CCDC73: variants seen among roughly 807,000 people sequenced by gnomAD.
The protein encoded by CCDC73 is coiled-coil domain-containing protein 73.
CCDC73 carries 95 observed loss-of-function variants against 116.5 expected under a neutral mutation model. The ratio of observed to expected loss-of-function variants is 0.82; its 90% CI spans 0.69 to 0.97. CCDC73 has a LOEUF of 0.97. Among genes scored for constraint, CCDC73 ranks in the 50% least tolerant of loss-of-function variants. The probability of loss-of-function intolerance (pLI) is 0.00; values close to 1 mark genes in which losing one functional copy is unlikely to be tolerated. For synonymous variants in CCDC73, 398 were observed against 401.3 expected, an observed-to-expected ratio of 0.99 and a Z score of 0.10; for missense variants, 1,066 against 1,206.8, an observed-to-expected ratio of 0.88 and a Z score of 1.73.
intron 14 of CCDC73, among the ~76,000 whole-genome samples, chr11:32,633,838 T>C (rs758742562): frequency 7.9e-5 from 12 of 152,158 alleles, no homozygotes; most frequent in Non-Finnish European, 1.5e-4. Context: ...TTTGTACTAA[T>C]AGTTTAGGTA....
chr11:32,761,850 G>T (rs1850395188), intron 1 of CCDC73, among the ~76,000 whole-genome samples: 1 of 152,132 alleles, frequency 6.6e-6, no homozygotes, highest in Non-Finnish European at 1.5e-5. Flanking sequence ...CTTTAGGGCT[G>T]ACCAGCAGGC....
intron 2 of CCDC73, among the ~76,000 whole-genome samples, chr11:32,753,567 T>C (rs907747689): frequency 1.3e-5 from 2 of 152,012 alleles, no homozygotes; most frequent in African/African-American, 4.8e-5. Context: ...TGGGTTCAAG[T>C]GATTCTTCTG....
chr11:32,750,772 G>A (rs993863099), intron 2 of CCDC73, among the ~76,000 whole-genome samples: 2 of 152,122 alleles, frequency 1.3e-5, no homozygotes, highest in Admixed American at 6.5e-5. Flanking sequence ...CCTGGAATTG[G>A]GAACCCCTAG....
chr11:32,694,823 T>A (rs1484940467), intron 6 of CCDC73, among the ~76,000 whole-genome samples: 2 of 151,406 alleles, frequency 1.3e-5, no homozygotes, highest in Non-Finnish European at 2.9e-5. Context: ...CAAGAGACTG[T>A]AAAAAAAAAT....
intron 1 of CCDC73, among the ~76,000 whole-genome samples, chr11:32,770,356 C>T (rs1850482360): frequency 1.3e-5 from 2 of 152,018 alleles, no homozygotes; most frequent in South Asian, 4.1e-4. Flanking sequence ...ATAAAGCTAT[C>T]CTAGATTCAA....
At chr11:32,815,397 C>T in the CCDC73 span, among the ~76,000 whole-genome samples, 1 of 151,198 alleles carries the variant, frequency 6.6e-6, no homozygotes, top group South Asian at 2.1e-4. Context: ...TGCAGAGGCA[C>T]AGTCATAACT....
chr11:32,763,942 T>C (rs546966458), intron 1 of CCDC73, among the ~76,000 whole-genome samples: 4 of 152,262 alleles, frequency 2.6e-5, no homozygotes, highest in Non-Finnish European at 5.9e-5. Context: ...CTGAAAACCA[T>C]GGCACGAGAA....
In CCDC73 at chr11:32,636,469, G is replaced by A. The variant is rs185804641; in HGVS notation, c.1051-639C>T. 1.6e-4 allele frequency among the ~76,000 whole-genome samples: 24 copies of A among 152,128 alleles called. No homozygotes were observed. In the East Asian group the frequency reaches 4.6e-3, roughly 29 times the overall value. ...CATAAACTTGATTTTGGGGAAAGGAGTACTCTCACAGAAGCCTCAAATATG... is the reference window on the plus strand; with the variant it reads ...CATAAACTTGATTTTGGGGAAAGGAATACTCTCACAGAAGCCTCAAATATG... On this transcript the variant is annotated intron_variant, in intron 13 of 17. Transcript: ENST00000335185.
At chr11:32,631,891 CAG>C (rs1855635045) in intron 14 of CCDC73, among the ~76,000 whole-genome samples, 1 of 152,080 alleles carries the variant, frequency 6.6e-6, no homozygotes. Flanking sequence ...CAGACAGACA[CAG>C]AGATATATAC....
Position 32,613,864 on chromosome 11 carries a change from T to A in CCDC73, c.2454A>T (p.Val818=). The part of the protein sequence containing the change: ...NKKNQIDENQ[V]TEATKNDLFL... ...AGAGGTCATTTTTTGTGGCTTCAGT[T>A]ACCTGATTCTCATCAATCTGATTCT... is the stretch of plus-strand genomic sequence containing the variant. Residue 818 remains valine (V), a synonymous_variant, in exon 16 of 18, where the codon GTA becomes GTT. Transcript: ENST00000335185. 1 of 1,613,622 alleles carries A rather than the reference T, an allele frequency of 6.2e-7. No homozygotes were observed. The highest frequency in any genetic ancestry group is 8.5e-7 in the Non-Finnish European group (1 of 1,179,944).
chr11:32,664,002 A>G (rs1855955577), intron 9 of CCDC73, among the ~76,000 whole-genome samples: 1 of 152,174 alleles, frequency 6.6e-6, no homozygotes, highest in Non-Finnish European at 1.5e-5. Context: ...GCATATGTTG[A>G]ACCAACCTTG....
At chr11:32,694,064 G>C in intron 6 of CCDC73, among the ~76,000 whole-genome samples, 1 of 133,940 alleles carries the variant, frequency 7.5e-6, no homozygotes, top group Non-Finnish European at 1.7e-5. Flanking sequence ...GTTCTGGCCA[G>C]GGCAATCAGG....
intron 2 of CCDC73, among the ~76,000 whole-genome samples, chr11:32,749,105 T>C (rs564916613): frequency 6.6e-6 from 1 of 152,340 alleles, no homozygotes; most frequent in African/African-American, 2.4e-5. Flanking sequence ...GGAAGTTCTC[T>C]GTTATTATCC....
intron 9 of CCDC73, among the ~76,000 whole-genome samples, chr11:32,664,581 T>A (rs1470967288): frequency 6.6e-6 from 1 of 152,180 alleles, no homozygotes. Flanking sequence ...TCTTTTTTAT[T>A]AGGCTTGCTG....
At chr11:32,666,032 G>T (rs1377936260) in intron 9 of CCDC73, among the ~76,000 whole-genome samples, 1 of 152,228 alleles carries the variant, frequency 6.6e-6, no homozygotes, top group East Asian at 1.9e-4. Context: ...GATATCTGCT[G>T]TTAGTCTGAT....
the CCDC73 span, among the ~76,000 whole-genome samples, chr11:32,817,170 G>GA: frequency 6.6e-6 from 1 of 152,250 alleles, no homozygotes; most frequent in Non-Finnish European, 1.5e-5. Flanking sequence ...GACGAGAAGA[G>GA]AAACTGCACA....
chr11:32,729,826 C>A (rs770859039), intron 2 of CCDC73, among the ~76,000 whole-genome samples: 1 of 152,172 alleles, frequency 6.6e-6, no homozygotes, highest in Non-Finnish European at 1.5e-5. Flanking sequence ...AATCTACCTA[C>A]CTCTCAGTAT....
intron 2 of CCDC73, among the ~76,000 whole-genome samples, chr11:32,748,908 C>A (rs1394288985): frequency 2.0e-5 from 3 of 152,182 alleles, no homozygotes; most frequent in African/African-American, 7.2e-5. Context: ...AGTCTGCTGC[C>A]AGATGTATTG....
Position 32,762,183 on chromosome 11 carries a change from C to T in CCDC73, c.-15-1925G>A, listed in dbSNP as rs1030110001. Among the ~76,000 whole-genome samples the T allele has an allele frequency of 5.3e-5, 8 of 152,190 alleles. 1 individual carries two copies. The highest frequency in any genetic ancestry group is 3.9e-4 in the Admixed American group (6 of 15,302). ...CTTTCTAAAAGGAAAATTTCCATTA[C>T]TGAAAATGATGAGATATGTTATTTG... On this transcript the variant is annotated intron_variant, in intron 1 of 17. Coordinates refer to ENST00000335185, the MANE Select transcript of CCDC73 (RefSeq NM_001008391.4).
Sources: gnomAD v4.1 joint callset for allele counts (sites outside exome capture counted in the v4.1 genomes callset) on GRCh38, gnomAD v4.1.1 for gene constraint, MANE v1.5 for transcripts, NCBI Gene and HGNC (gene_info 2026-07-23, HGNC 2026-07-21) for gene names.